Variants in AK8 observed in about 807,000 individuals in gnomAD.
AK8 encodes ATP-AMP transphosphorylase 8.
A neutral mutation model predicts 54.6 loss-of-function variants in AK8; 44 were observed. The ratio of observed to expected loss-of-function variants is 0.81; its 90% CI spans 0.63 to 1.04. The LOEUF is 1.04. Among genes scored for constraint, AK8 ranks in the 50% least tolerant of loss-of-function variants. The pLI, the probability that AK8 is intolerant of heterozygous loss-of-function variation, is 0.00. For missense variants in AK8, 555 were observed against 613.6 expected (o/e 0.90, Z 1.01); for synonymous variants, 239 against 245.6 (o/e 0.97, Z 0.25).
intron 5 of AK8, among the ~76,000 whole-genome samples, chr9:132,839,354 G>A (rs574518494): frequency 6.6e-6 from 1 of 152,252 alleles, no homozygotes; most frequent in African/African-American, 2.4e-5. Context: ...CATGATCACA[G>A]GCTCAATGAG....
intron 11 of AK8, among the ~76,000 whole-genome samples, chr9:132,782,644 G>A (rs527356173): frequency 3.9e-5 from 6 of 152,100 alleles, no homozygotes; most frequent in East Asian, 3.9e-4. Context: ...AGCCAAGATC[G>A]TGCCATTGCA....
intron 11 of AK8, among the ~76,000 whole-genome samples, chr9:132,767,349 G>GA (rs1233160257): frequency 6.6e-6 from 1 of 151,996 alleles, no homozygotes; most frequent in African/African-American, 2.4e-5. Flanking sequence ...ACAGGCATAT[G>GA]AAAATAAATG....
At position 132,873,105 on chromosome 9, in the gene AK8, A is replaced by G. The variant is rs1045989943; in HGVS notation, c.169+2010T>C. On this transcript the variant is annotated intron_variant, in intron 2 of 12. Transcript: ENST00000298545. The stretch of plus-strand genomic sequence containing the variant: ...TGGGATTACAGGCGTGAGCCACCGC[A>G]CCCAGCCAATTTTCGTATTTTTAGT... Among the ~76,000 whole-genome samples, 10 of 152,138 alleles carry G rather than the reference A, an allele frequency of 6.6e-5. No homozygotes were observed. In the East Asian group the frequency reaches 1.2e-3, roughly 18 times the overall value.
At chr9:132,789,478 T>C (rs1476107336) in intron 11 of AK8, among the ~76,000 whole-genome samples, 1 of 149,732 alleles carries the variant, frequency 6.7e-6, no homozygotes, top group Non-Finnish European at 1.5e-5. Flanking sequence ...ACACTTGTAA[T>C]CCCAGCTACT....
intron 11 of AK8, among the ~76,000 whole-genome samples, chr9:132,730,611 C>A (rs917143407): frequency 6.6e-6 from 1 of 152,132 alleles, no homozygotes; most frequent in Non-Finnish European, 1.5e-5. Context: ...TTGCCCAGAA[C>A]TGCTCAGTCA....
chr9:132,807,389 G>T (rs945993422), intron 10 of AK8, among the ~76,000 whole-genome samples: 1 of 152,202 alleles, frequency 6.6e-6, no homozygotes, highest in East Asian at 1.9e-4. Context: ...TTCCGAGTGC[G>T]CTGTGGACAG....
chr9:132,811,137 G>C (rs1325215585), intron 10 of AK8, among the ~76,000 whole-genome samples: 1 of 152,196 alleles, frequency 6.6e-6, no homozygotes, highest in African/African-American at 2.4e-5. Flanking sequence ...ACATAACAAA[G>C]TGGCAAAGAT....
At chr9:132,823,368 C>T in intron 8 of AK8, 32 bp from the exon 9 acceptor site, 1 of 1,612,684 alleles carries the variant, frequency 6.2e-7, no homozygotes, top group Non-Finnish European at 8.5e-7. Context: ...ATAATAAACC[C>T]AGGTCCTAGA....
At chr9:132,787,496 C>A (rs934858145) in intron 11 of AK8, among the ~76,000 whole-genome samples, 3 of 152,164 alleles carry the variant, frequency 2.0e-5, no homozygotes, top group Non-Finnish European at 4.4e-5. Flanking sequence ...TAGTTTCTCA[C>A]CCAGCCAATC....
In AK8 at chr9:132,746,071, C is replaced by T. The variant is rs142198729; in HGVS notation, c.1122-18537G>A. On this transcript the variant is annotated intron_variant, in intron 11 of 12. Transcript: ENST00000298545. ...GGATGTCGAGTTTAGGGAGACGCTG[C>T]CTTCATCCAGCAATCCTAGTGCACT... Among the ~76,000 whole-genome samples the T allele has an allele frequency of 1.3e-3, 205 of 152,214 alleles. 3 individuals carry two copies. Among genetic ancestry groups the T allele is most frequent in the African/African-American group, 4.7e-3 (197 of 41,530 alleles).
chr9:132,811,606 A>G (rs1016847547), intron 10 of AK8, among the ~76,000 whole-genome samples: 7 of 152,254 alleles, frequency 4.6e-5, no homozygotes, highest in Admixed American at 1.3e-4. Context: ...CTAAACCATG[A>G]CATTTGTTAT....
chr9:132,732,433 G>C (rs757063052), intron 11 of AK8, among the ~76,000 whole-genome samples: 2 of 152,164 alleles, frequency 1.3e-5, no homozygotes. Context: ...ACCGGTTCCT[G>C]AACTAGTTTG....
At chr9:132,809,652 G>A (rs746415791) in intron 10 of AK8, among the ~76,000 whole-genome samples, 22 of 152,186 alleles carry the variant, frequency 1.4e-4, no homozygotes, top group Non-Finnish European at 3.2e-4. Flanking sequence ...ATGTGACCTG[G>A]GTTCTCAGCC....
At chr9:132,726,117 T>C (rs1428922655) in intron 12 of AK8, among the ~76,000 whole-genome samples, 192 bp from the exon 13 acceptor site, 1 of 152,170 alleles carries the variant, frequency 6.6e-6, no homozygotes, top group East Asian at 1.9e-4. Flanking sequence ...AGATCCAAGA[T>C]GTGCTCCCCG....
intron 11 of AK8, among the ~76,000 whole-genome samples, chr9:132,786,679 C>A (rs1331959083): frequency 6.6e-6 from 1 of 152,182 alleles, no homozygotes; most frequent in African/African-American, 2.4e-5. Context: ...TCTTTCCATG[C>A]ACTCAGAGCT....
Position 132,821,169 on chromosome 9 carries a change from T to G in AK8, c.889+2036A>C, listed in dbSNP as rs79164238. Among the ~76,000 whole-genome samples, 14 of 152,058 alleles carry G rather than the reference T, an allele frequency of 9.2e-5. No homozygotes were observed. The East Asian group carries it at 2.7e-3, about 29-fold the overall frequency. The stretch of plus-strand genomic sequence containing the variant: ...TTATTGAATGAGAGTGTCTGCATCA[T>G]AAAACAGAGCACCGAGACAATTATT... On this transcript the variant is annotated intron_variant, in intron 9 of 12. Transcript: ENST00000298545.
intron 11 of AK8, among the ~76,000 whole-genome samples, chr9:132,734,411 T>C (rs919584917): frequency 6.6e-6 from 1 of 152,120 alleles, no homozygotes; most frequent in African/African-American, 2.4e-5. Flanking sequence ...TCTGGTATAC[T>C]TGGTCCAGGG....
Position 132,757,240 on chromosome 9 carries a change from G to C in AK8, c.1122-29706C>G, listed in dbSNP as rs1182401443. Among the ~76,000 whole-genome samples the C allele has an allele frequency of 7.9e-5, 12 of 152,166 alleles. No individual in the cohort carries two copies. The East Asian group carries it at 2.3e-3, about 29-fold the overall frequency. ...GGGAGAGAAGCTTCCACAGCTCACC[G>C]GGATGGTCAGAGGGTTCCGGAGCAG... On this transcript the variant is annotated intron_variant, in intron 11 of 12. Transcript: ENST00000298545.
chr9:132,856,890 C>T (rs2040809), intron 4 of AK8, among the ~76,000 whole-genome samples: 14,599 of 152,020 alleles, frequency 0.096, 901 homozygotes, highest in African/African-American at 0.15. Context: ...AGCGAGAGAA[C>T]GAGGGAGGGG....
Sources: allele counts gnomAD v4.1 joint callset (sites outside exome capture counted in the v4.1 genomes callset), GRCh38; gene constraint gnomAD v4.1.1; transcripts MANE v1.5; gene names NCBI Gene and HGNC (gene_info 2026-07-23, HGNC 2026-07-21).